The following CRISPLD2 variants were observed in gnomAD, a reference collection of about 807,000 sequenced individuals.
CRISPLD2 encodes the protein cysteine-rich secretory protein LCCL domain-containing 2.
In CRISPLD2, 47 loss-of-function variants were observed where a neutral mutation model predicts 71.1. The ratio of observed to expected loss-of-function variants is 0.66; its 90% CI spans 0.52 to 0.84. The LOEUF is 0.84. Among genes scored for constraint, CRISPLD2 ranks in the 40% least tolerant of loss-of-function variants. The pLI is 0.00. For missense variants in CRISPLD2, 830 were observed against 651.1 expected (o/e 1.27, Z -2.99); for synonymous variants, 317 against 250.1 (o/e 1.27, Z -2.52).
At chr16:84,842,664 G>A (rs1271988838) in intron 2 of CRISPLD2, among the ~76,000 whole-genome samples, 5 of 152,092 alleles carry the variant, frequency 3.3e-5, no homozygotes, top group Admixed American at 3.3e-4. Flanking sequence ...ATGAACCACT[G>A]TGCCCAACCT....
intron 4 of CRISPLD2, among the ~76,000 whole-genome samples, chr16:84,850,357 G>C (rs1170648275): frequency 6.6e-6 from 1 of 152,158 alleles, no homozygotes. Context: ...CCAAAATGCT[G>C]AGATGACAGG....
At chr16:84,844,509 A>T (rs1302544187) in intron 2 of CRISPLD2, among the ~76,000 whole-genome samples, 4 of 149,996 alleles carry the variant, frequency 2.7e-5, no homozygotes, top group Non-Finnish European at 5.9e-5. Context: ...ACAGAGTCTT[A>T]CTTTGTCCAG....
intron 14 of CRISPLD2, among the ~76,000 whole-genome samples, chr16:84,891,510 G>C (rs779510995): frequency 3.3e-5 from 5 of 152,130 alleles, no homozygotes; most frequent in Non-Finnish European, 5.9e-5. Flanking sequence ...GCTTAATGAA[G>C]GGAAATTCCA....
intron 14 of CRISPLD2, among the ~76,000 whole-genome samples, chr16:84,896,680 T>C (rs1028240205): frequency 1.3e-5 from 2 of 152,172 alleles, no homozygotes; most frequent in Admixed American, 6.5e-5. Flanking sequence ...GCATTTCCGA[T>C]GTGGACTTCT....
Position 84,872,503 on chromosome 16 carries a change from G to A in CRISPLD2, c.976G>A (p.Glu326Lys). ...GAAGATCTTTGGAACTCTGTTCTAT[G>A]AAAGCGTGAGTGTGGCCAGTCCTCC... ...KAKIFGTLFY[E>K]SSSSICRAAI... Residue 326 changes from glutamate (E) to lysine (K), a missense_variant, in exon 9 of 15, where the codon GAA (glutamate) becomes AAA (lysine). Glu to Lys is a moderately conservative substitution (Grantham distance 56, BLOSUM62 1). Coordinates refer to ENST00000262424, the MANE Select transcript of CRISPLD2 (RefSeq NM_031476.4). 1 of 1,613,602 alleles carries A rather than the reference G, an allele frequency of 6.2e-7. No homozygotes were observed. Among genetic ancestry groups the A allele is most frequent in the Non-Finnish European group, 8.5e-7 (1 of 1,179,688 alleles).
chr16:84,869,744 G>T lies in CRISPLD2; in HGVS notation c.914+833G>T, dbSNP rs1436443964. Among the ~76,000 whole-genome samples the T allele has an allele frequency of 3.3e-5, 5 of 152,390 alleles. No individual in the cohort carries two copies. In the East Asian group the frequency reaches 9.6e-4, roughly 29 times the overall value. Reference sequence around the variant, plus strand: ...AAAAAGCAGGCAGCGCCTGGCAGGGGCCTCCGCCGTGTGCACTGCCCCGTC... The same window carrying T: ...AAAAAGCAGGCAGCGCCTGGCAGGGTCCTCCGCCGTGTGCACTGCCCCGTC... On this transcript the variant is annotated intron_variant, in intron 8 of 14. Transcript: ENST00000262424.
intron 13 of CRISPLD2, among the ~76,000 whole-genome samples, chr16:84,881,999 G>T (rs2071572544): frequency 6.6e-6 from 1 of 152,018 alleles, no homozygotes; most frequent in Non-Finnish European, 1.5e-5. Flanking sequence ...CTTCTTGAAA[G>T]TGATTCAGCT....
intron 3 of CRISPLD2, among the ~76,000 whole-genome samples, chr16:84,847,763 C>T (rs979907194): frequency 5.9e-5 from 9 of 152,148 alleles, no homozygotes; most frequent in African/African-American, 2.2e-4. Context: ...TCCTTTGCAG[C>T]ACCTGGCTGG....
chr16:84,903,325 C>G (rs2071771873), intron 14 of CRISPLD2, among the ~76,000 whole-genome samples: 1 of 152,042 alleles, frequency 6.6e-6, no homozygotes, highest in Non-Finnish European at 1.5e-5. Flanking sequence ...GCCTGTAATC[C>G]CAGCACTTTG....
At chr16:84,858,984 A>G (rs1379261498) in intron 6 of CRISPLD2, among the ~76,000 whole-genome samples, 1 of 152,228 alleles carries the variant, frequency 6.6e-6, no homozygotes, top group Non-Finnish European at 1.5e-5. Context: ...GGGAGAGTTG[A>G]ACGGGGATGT....
chr16:84,871,211 G>A (rs2071465977), intron 8 of CRISPLD2, among the ~76,000 whole-genome samples: 1 of 152,140 alleles, frequency 6.6e-6, no homozygotes, highest in South Asian at 2.1e-4. Flanking sequence ...ACATTAGAGT[G>A]ATTTACACTT....
chr16:84,838,067 A>G (rs1916669700), intron 1 of CRISPLD2, among the ~76,000 whole-genome samples: 1 of 151,868 alleles, frequency 6.6e-6, no homozygotes, highest in South Asian at 2.1e-4. Flanking sequence ...CCCTTGGGGC[A>G]GGTGATAGAA....
chr16:84,851,977 T>G (rs1019912154), intron 5 of CRISPLD2, among the ~76,000 whole-genome samples: 3 of 152,284 alleles, frequency 2.0e-5, no homozygotes, highest in Admixed American at 6.5e-5. Flanking sequence ...CACATCAGAC[T>G]TTTATGTCTC....
At chr16:84,852,539 G>T (rs770788575) in intron 5 of CRISPLD2, among the ~76,000 whole-genome samples, 35 of 152,240 alleles carry the variant, frequency 2.3e-4, no homozygotes, top group Non-Finnish European at 3.8e-4. Context: ...CCTTTTGTCT[G>T]CTGCATATTA....
chr16:84,873,962 A>T lies in CRISPLD2; in HGVS notation c.1155A>T (p.Lys385Asn). Residue 385 changes from lysine (K) to asparagine (N), a missense_variant and splice_region_variant, in exon 11 of 15, where the codon AAA becomes AAT. Transcript: ENST00000262424. Reference sequence around the variant, plus strand: ...GCTCATTCATGGTGTCAAAAGTGAAAGGTAAGCTAGCCAGTCTCTTTTGCG... The same window carrying T: ...GCTCATTCATGGTGTCAAAAGTGAATGGTAAGCTAGCCAGTCTCTTTTGCG... ...PSSSFMVSKVKVQDLDCYTTV... is the reference protein window; with the variant it reads ...PSSSFMVSKVNVQDLDCYTTV... 6.2e-7 allele frequency: 1 copy of T among 1,602,504 alleles called. No homozygotes were observed. Among genetic ancestry groups the T allele is most frequent in the Non-Finnish European group, 8.5e-7 (1 of 1,176,634 alleles).
At chr16:84,860,638 C>A (rs1342294068) in intron 6 of CRISPLD2, among the ~76,000 whole-genome samples, 2 of 152,176 alleles carry the variant, frequency 1.3e-5, no homozygotes, top group African/African-American at 2.4e-5. Context: ...GATGGGGAAC[C>A]TGTTTCTTCT....
At chr16:84,896,633 CGAGGCT>C (rs1296060639) in intron 14 of CRISPLD2, among the ~76,000 whole-genome samples, 1 of 152,072 alleles carries the variant, frequency 6.6e-6, no homozygotes, top group Non-Finnish European at 1.5e-5. Context: ...GGAAGGTAGG[CGAGGCT>C]GAGCTGTGAT....
chr16:84,906,532 C>A lies in CRISPLD2; in HGVS notation c.1440-56C>A. 3 of 1,595,142 alleles carry A rather than the reference C, an allele frequency of 1.9e-6. No individual in the cohort carries two copies. In the South Asian group the frequency reaches 3.3e-5, roughly 18 times the overall value. On this transcript the variant is annotated intron_variant, in intron 14 of 14. Coordinates refer to ENST00000262424, the MANE Select transcript of CRISPLD2 (RefSeq NM_031476.4). ...AGGTCTCCCTGCCCACCCAGAGTCC[C>A]TGCAGGAGGCCCTCCAGATCTCTCA...
Position 84,907,437 on chromosome 16 carries a change from C to G in CRISPLD2, c.*795C>G, listed in dbSNP as rs973091862. The G allele has an allele frequency of 6.6e-6, 1 of 152,280 alleles. No homozygotes were observed. The highest frequency in any genetic ancestry group is 2.4e-5 in the African/African-American group (1 of 41,460). 9.4% of individuals were successfully genotyped at this position (152,280 alleles called of 1,614,324 possible). A position where few individuals can be genotyped will look rare whatever the true frequency, so the allele number is the denominator to read the frequency against. Reference sequence around the variant, plus strand: ...TCCCATTGAGGACTAAGGATCGGGACCCTTTCTTTACCCCCTACCCGTTGT... The same window carrying G: ...TCCCATTGAGGACTAAGGATCGGGAGCCTTTCTTTACCCCCTACCCGTTGT... On this transcript the variant is annotated 3_prime_UTR_variant, in exon 15 of 15. Coordinates refer to ENST00000262424, the MANE Select transcript of CRISPLD2 (RefSeq NM_031476.4).
Sources: allele counts gnomAD v4.1 joint callset (sites outside exome capture counted in the v4.1 genomes callset), GRCh38; gene constraint gnomAD v4.1.1; transcripts MANE v1.5; gene names NCBI Gene and HGNC (gene_info 2026-07-23, HGNC 2026-07-21).